The following GALNT15 variants were observed in gnomAD, a reference collection of about 807,000 sequenced individuals.
GALNT15 encodes the protein polypeptide N-acetylgalactosaminyltransferase 15, also known as UDP-GalNAc transferase T15.
A neutral mutation model predicts 66.8 loss-of-function variants in GALNT15; 67 were observed. The observed-to-expected ratio is 1.00, with a 90% CI of 0.82 to 1.23. The LOEUF (loss-of-function observed/expected upper bound fraction) is 1.23. Among genes scored for constraint, GALNT15 ranks in the 50% most tolerant of loss-of-function variants. The pLI is 0.00. For synonymous variants in GALNT15, 313 were observed against 311.5 expected (o/e 1.00, Z -0.05); for missense variants, 827 against 804.3 (o/e 1.03, Z -0.34).
rs903279781 is a variant in GALNT15, at chr3:16,220,181, C to T, written c.1629+167C>T. The T allele has an allele frequency of 9.7e-6, 6 of 621,404 alleles. No individual in the cohort carries two copies. The Admixed American group carries it at 1.6e-4, about 17-fold the overall frequency. 38.5% of individuals were successfully genotyped at this position (621,404 alleles called of 1,614,324 possible). On this transcript the variant is annotated intron_variant, in intron 8 of 9. Coordinates refer to ENST00000339732, the MANE Select transcript of GALNT15 (RefSeq NM_054110.5). ...TGTAATGACTCATCACAGCTCTCCT[C>T]ACCTCACCTCCATCTGTAAGCACAG... is the stretch of plus-strand genomic sequence containing the variant.
At position 16,175,008 on chromosome 3, in the gene GALNT15, A is replaced by G; in HGVS notation, c.-144A>G. 1.4e-6 allele frequency: 1 copy of G among 699,274 alleles called. No individual in the cohort carries two copies. The highest frequency in any genetic ancestry group is 2.0e-5 in the South Asian group (1 of 51,048). 43.3% of individuals were successfully genotyped at this position (699,274 alleles called of 1,614,324 possible). A position where few individuals can be genotyped will look rare whatever the true frequency, so the allele number is the denominator to read the frequency against. On this transcript the variant is annotated 5_prime_UTR_variant, in exon 1 of 10. Coordinates refer to ENST00000339732, the MANE Select transcript of GALNT15 (RefSeq NM_054110.5). The surrounding 1 kb of genome is among the most constrained non-coding windows in gnomAD (Gnocchi z 5.6). ...AGCAGGTCTTGCACACGCTGTTGGC[A>G]AATGTCAGGACCAGGTTAAGTGACT...
At chr3:16,216,808 A>C (rs2063884132) in intron 6 of GALNT15, among the ~76,000 whole-genome samples, 2 of 152,212 alleles carry the variant, frequency 1.3e-5, no homozygotes, top group South Asian at 4.1e-4. Context: ...GTCATGTACC[A>C]GTTAAACGCC....
Position 16,225,393 on chromosome 3 carries a change from A to C in GALNT15, c.1774-1961A>C, listed in dbSNP as rs2063995432. Among the ~76,000 whole-genome samples the C allele has an allele frequency of 6.6e-6, 1 of 152,194 alleles. No individual in the cohort carries two copies. The highest frequency in any genetic ancestry group is 1.5e-5 in the Non-Finnish European group (1 of 68,036). On this transcript the variant is annotated intron_variant, in intron 9 of 9. Coordinates refer to ENST00000339732, the MANE Select transcript of GALNT15 (RefSeq NM_054110.5). This position sits in a 1 kb window ranked among gnomAD's most constrained non-coding sequence, Gnocchi z 4.4. ...TGTAAAAGTTTTGCTATGTGTTTTT[A>C]TCACAATTTTTTTAAAAAAGAGGCC...
downstream of GALNT15, among the ~76,000 whole-genome samples, chr3:16,233,092 A>ATGTTTTTTTTTTTTTTTTTTTTTT (rs771943641): frequency 2.1e-5 from 1 of 48,074 alleles, no homozygotes. Context: ...AGGATAATGC[A>ATGTTTTTTTTTTTTTTTTTTTTTT]TCTTTTTTTT....
chr3:16,226,547 G>A (rs938874093), intron 9 of GALNT15, among the ~76,000 whole-genome samples: 25 of 152,160 alleles, frequency 1.6e-4, no homozygotes, highest in Admixed American at 1.2e-3. Flanking sequence ...GAGAGAGAGC[G>A]AAGGAGGAGG....
chr3:16,194,201 C>T (rs1482580389), intron 1 of GALNT15, among the ~76,000 whole-genome samples: 5 of 152,308 alleles, frequency 3.3e-5, no homozygotes, highest in African/African-American at 9.6e-5. Flanking sequence ...GCCCAACCCA[C>T]GGATTAATTA....
the GALNT15 span, among the ~76,000 whole-genome samples, chr3:16,246,266 T>G: frequency 1.3e-5 from 2 of 151,434 alleles, no homozygotes; most frequent in Admixed American, 1.3e-4. Context: ...CTGAGGGAAC[T>G]GTCCTAAGGG....
rs1007770092 is a variant in GALNT15, at chr3:16,219,668, G to A, written c.1524+134G>A. On this transcript the variant is annotated intron_variant, in intron 7 of 9. Transcript: ENST00000339732. The surrounding 1 kb of genome is among the most constrained non-coding windows in gnomAD (Gnocchi z 4.3). ...GCCTCAGAGGCCTTGGGTCCATCCCGTGCCTCCATGCCAGTCTGAGGAAGG... is the reference window on the plus strand; with the variant it reads ...GCCTCAGAGGCCTTGGGTCCATCCCATGCCTCCATGCCAGTCTGAGGAAGG... 4.7e-6 allele frequency: 6 copies of A among 1,266,796 alleles called. No homozygotes were observed. The East Asian group carries it at 7.0e-5, about 15-fold the overall frequency. The allele number at this position is 1,266,796 out of a possible 1,614,324, so 78.5% of individuals were successfully genotyped here. A position where few individuals can be genotyped will look rare whatever the true frequency, so the allele number is the denominator to read the frequency against.
the GALNT15 span, among the ~76,000 whole-genome samples, chr3:16,246,259 A>G: frequency 6.6e-6 from 1 of 150,384 alleles, no homozygotes; most frequent in South Asian, 2.1e-4. Flanking sequence ...GGCCATCCTG[A>G]GGGAACTGTC....
intron 3 of GALNT15, among the ~76,000 whole-genome samples, chr3:16,205,319 G>A (rs1050240830): frequency 1.3e-5 from 2 of 152,174 alleles, no homozygotes; most frequent in African/African-American, 4.8e-5. Flanking sequence ...AGATAAACGA[G>A]GGCTTATTCT....
In GALNT15 at chr3:16,193,116, G is replaced by T. The variant is rs941968952; in HGVS notation, c.540-2644G>T. Among the ~76,000 whole-genome samples the T allele has an allele frequency of 1.3e-5, 2 of 152,218 alleles. No individual in the cohort carries two copies. The highest frequency in any genetic ancestry group is 2.9e-5 in the Non-Finnish European group (2 of 68,034). Reference sequence around the variant, plus strand: ...TTAAACGATTTCAAAATAAAAAGTGGTAAAGTGGGAATTGAAAGAAAAAAT... The same window carrying T: ...TTAAACGATTTCAAAATAAAAAGTGTTAAAGTGGGAATTGAAAGAAAAAAT... On this transcript the variant is annotated intron_variant, in intron 1 of 9. Transcript: ENST00000339732. This position sits in a 1 kb window ranked among gnomAD's most constrained non-coding sequence, Gnocchi z 4.7.
rs1462521435 is a variant in GALNT15 at position 16,209,305 on chromosome 3, G to A, written c.1079+635G>A. ...ATTCTGAAAGGACACAGTGGGGTTG[G>A]TTGTCTGCCCCCATGGTTTCTGGGG... On this transcript the variant is annotated intron_variant, in intron 4 of 9. Transcript: ENST00000339732. The surrounding 1 kb of genome is among the most constrained non-coding windows in gnomAD (Gnocchi z 4.1). Among the ~76,000 whole-genome samples the A allele has an allele frequency of 1.2e-4, 19 of 152,128 alleles. No individual in the cohort carries two copies. The highest frequency in any genetic ancestry group is 1.2e-3 in the Admixed American group (19 of 15,264).
chr3:16,230,723 C>A (rs1361947114), downstream of GALNT15, among the ~76,000 whole-genome samples: 2 of 152,220 alleles, frequency 1.3e-5, no homozygotes, highest in East Asian at 1.9e-4. The surrounding 1 kb of genome is among the most constrained non-coding windows in gnomAD (Gnocchi z 4.5). Flanking sequence ...TTTCGAAGTT[C>A]TTTTAAAAGT....
intron 6 of GALNT15, among the ~76,000 whole-genome samples, chr3:16,215,579 T>C (rs932024060): frequency 6.6e-6 from 1 of 152,168 alleles, no homozygotes; most frequent in African/African-American, 2.4e-5. Context: ...TCTACAGTTC[T>C]GTCTGAATTT....
At chr3:16,205,054 A>G (rs940551469) in intron 3 of GALNT15, among the ~76,000 whole-genome samples, 5 of 152,234 alleles carry the variant, frequency 3.3e-5, no homozygotes, top group East Asian at 3.9e-4. Context: ...AGGTGCCCCA[A>G]GGAAACTCTC....
At chr3:16,214,885 G>A (rs866727200) in intron 6 of GALNT15, among the ~76,000 whole-genome samples, 4 of 152,340 alleles carry the variant, frequency 2.6e-5, no homozygotes, top group Admixed American at 6.5e-5. Context: ...CTTCTACAGA[G>A]TTCTGTAGAG....
rs13093456 is a variant in GALNT15 at position 16,224,729 on chromosome 3, C to A, written c.1773+1971C>A. On this transcript the variant is annotated intron_variant, in intron 9 of 9. Coordinates refer to ENST00000339732, the MANE Select transcript of GALNT15 (RefSeq NM_054110.5). This position sits in a 1 kb window ranked among gnomAD's most constrained non-coding sequence, Gnocchi z 5.2. ...TCGGCTCACTGCAACCTCTGCCTCCCGGGTTCAAGCGATTCTCCTGCCTCA... is the reference window on the plus strand; with the variant it reads ...TCGGCTCACTGCAACCTCTGCCTCCAGGGTTCAAGCGATTCTCCTGCCTCA... Among the ~76,000 whole-genome samples, 1 of 151,086 alleles carries A rather than the reference C, an allele frequency of 6.6e-6. No homozygotes were observed. The highest frequency in any genetic ancestry group is 1.5e-5 in the Non-Finnish European group (1 of 67,832).
downstream of GALNT15, among the ~76,000 whole-genome samples, chr3:16,234,908 G>A (rs2064117202): frequency 6.6e-6 from 1 of 150,430 alleles, no homozygotes; most frequent in African/African-American, 2.5e-5. Flanking sequence ...CAAGATAGTT[G>A]GTCCTTATCC....
chr3:16,214,148 G>C (rs536268969), intron 6 of GALNT15, among the ~76,000 whole-genome samples: 1 of 152,206 alleles, frequency 6.6e-6, no homozygotes, highest in Admixed American at 6.5e-5. Flanking sequence ...AGCCTCCTTC[G>C]TTCCTCCAGG....
Sources: gnomAD v4.1 joint callset for allele counts (sites outside exome capture counted in the v4.1 genomes callset) on GRCh38, gnomAD v4.1.1 for gene constraint, Gnocchi (gnomAD v3.1) non-coding constraint, MANE v1.5 for transcripts, NCBI Gene and HGNC (gene_info 2026-07-23, HGNC 2026-07-21) for gene names.